IL1RL2: variants seen among roughly 807,000 people sequenced by gnomAD.
IL1RL2 encodes interleukin-1 receptor-like 2.
A neutral mutation model predicts 66.8 loss-of-function variants in IL1RL2; 68 were observed. The observed-to-expected ratio is 1.02, with a 90% confidence interval of 0.84 to 1.25. IL1RL2 has a LOEUF of 1.25. Among genes scored for constraint, IL1RL2 ranks in the 50% most tolerant of loss-of-function variants. IL1RL2 has a pLI of 0.00. For synonymous variants in IL1RL2, 305 were observed against 264.6 expected (o/e 1.15, Z -1.48); for missense variants, 729 against 709.3 (o/e 1.03, Z -0.32).
In IL1RL2 at chr2:102,201,802, A is replaced by G. The variant is rs1578119184; in HGVS notation, c.649+87A>G. On this transcript the variant is annotated intron_variant, in intron 5 of 11. Coordinates refer to ENST00000264257, the MANE Select transcript of IL1RL2 (RefSeq NM_003854.4). Reference sequence around the variant, plus strand: ...TGGCTTTGGGTTTTGGGCTTTGAGCAGGAGTGATTCTAGGTCTTGGTTTCC... The same window carrying G: ...TGGCTTTGGGTTTTGGGCTTTGAGCGGGAGTGATTCTAGGTCTTGGTTTCC... 3 of 1,308,748 alleles carry G rather than the reference A, an allele frequency of 2.3e-6. No homozygotes were observed. The East Asian group carries it at 7.5e-5, about 33-fold the overall frequency. 81.1% of individuals were successfully genotyped at this position (1,308,748 alleles called of 1,614,324 possible). A position where few individuals can be genotyped will look rare whatever the true frequency, so the allele number is the denominator to read the frequency against.
intron 5 of IL1RL2, among the ~76,000 whole-genome samples, chr2:102,204,063 T>C (rs988747877): frequency 6.6e-6 from 1 of 152,124 alleles, no homozygotes; most frequent in African/African-American, 2.4e-5. Flanking sequence ...CTGTATCCCA[T>C]ATGTTTTAGT....
In IL1RL2 at chr2:102,233,074, A is replaced by G; in HGVS notation, c.1247A>G (p.Gln416Arg). 1 of 1,614,050 alleles carries G rather than the reference A, an allele frequency of 6.2e-7. No individual in the cohort carries two copies. Among genetic ancestry groups the G allele is most frequent in the Non-Finnish European group, 8.5e-7 (1 of 1,179,962 alleles). Residue 416 changes from glutamine to arginine, a missense_variant, in exon 10 of 12, where the codon CAA becomes CGA. Physicochemically the swap from Gln to Arg is conservative, Grantham distance 43 (BLOSUM62 1). Coordinates refer to ENST00000264257, the MANE Select transcript of IL1RL2 (RefSeq NM_003854.4). The stretch of plus-strand genomic sequence containing the variant: ...ATCCTGCCCGAGGTGTTGGAGAGAC[A>G]ATGTGGATATAAGTTGTTTATATTC... ...LNILPEVLER[Q>R]CGYKLFIFGR...
chr2:102,192,107 TA>T lies in IL1RL2; in HGVS notation c.479del (p.Lys160SerfsTer23). On this transcript the variant is annotated frameshift_variant, in exon 4 of 12. Coordinates refer to ENST00000264257, the MANE Select transcript of IL1RL2 (RefSeq NM_003854.4). LOFTEE classifies it high-confidence loss of function. ...HFPKSCVLGPIKWYKDCNEIK... is the reference protein window; with the variant it reads ...HFPKSCVLGPXKWYKDCNEIK... The stretch of plus-strand genomic sequence containing the variant: ...CCGAAGAGTTGTGTTTTGGGTCCAA[TA>T]AAGTGGTATAAGGTAAAAAAGAATT... The T allele has an allele frequency of 6.3e-7, 1 of 1,587,016 alleles. No individual in the cohort carries two copies. Among genetic ancestry groups the T allele is most frequent in the Non-Finnish European group, 8.5e-7 (1 of 1,171,204 alleles).
chr2:102,212,287 A>G (rs1015331700), intron 6 of IL1RL2, 113 bp downstream of exon 6: 1 of 736,048 alleles, frequency 1.4e-6, no homozygotes, highest in Non-Finnish European at 2.3e-6. Context: ...ATACACACCC[A>G]GTTTCCAGCT....
rs557981628 is a variant in IL1RL2 at position 102,217,670 on chromosome 2, A to G, written c.725-1283A>G. Among the ~76,000 whole-genome samples, 6 of 152,328 alleles carry G rather than the reference A, an allele frequency of 3.9e-5. No homozygotes were observed. The South Asian group carries it at 1.2e-3, about 32-fold the overall frequency. ...GATATTTGACAAAAGTGCCAGGAACACACATTAAACAAGTAACAGTCTCTT... is the reference window on the plus strand; with the variant it reads ...GATATTTGACAAAAGTGCCAGGAACGCACATTAAACAAGTAACAGTCTCTT... On this transcript the variant is annotated intron_variant, in intron 6 of 11. Coordinates refer to ENST00000264257, the MANE Select transcript of IL1RL2 (RefSeq NM_003854.4).
chr2:102,202,407 A>G (rs1263949241), intron 5 of IL1RL2, among the ~76,000 whole-genome samples: 2 of 151,370 alleles, frequency 1.3e-5, no homozygotes, highest in Non-Finnish European at 2.9e-5. Flanking sequence ...AATAATGGGT[A>G]TATGATATAT....
At chr2:102,218,369 C>T (rs1689797275) in intron 6 of IL1RL2, among the ~76,000 whole-genome samples, 1 of 151,842 alleles carries the variant, frequency 6.6e-6, no homozygotes, top group South Asian at 2.1e-4. Flanking sequence ...TCCACTGAGA[C>T]TATAAATTGA....
intron 10 of IL1RL2, among the ~76,000 whole-genome samples, chr2:102,233,561 G>A (rs1026686785): frequency 5.3e-5 from 8 of 152,050 alleles, no homozygotes; most frequent in Non-Finnish European, 1.0e-4. Flanking sequence ...TATAAACCTC[G>A]ACCCTACTTG....
chr2:102,227,056 C>T (rs1013608013), intron 9 of IL1RL2, among the ~76,000 whole-genome samples: 1 of 152,224 alleles, frequency 6.6e-6, no homozygotes, highest in African/African-American at 2.4e-5. Flanking sequence ...CATTTCCCAC[C>T]ATGGTGCTTG....
chr2:102,202,245 T>C (rs1025547827), intron 5 of IL1RL2, among the ~76,000 whole-genome samples: 2 of 152,114 alleles, frequency 1.3e-5, no homozygotes, highest in African/African-American at 2.4e-5. Context: ...AGTAGAATCT[T>C]AGGGGAAGAA....
At chr2:102,198,233 T>C (rs1021734380) in intron 4 of IL1RL2, among the ~76,000 whole-genome samples, 5 of 152,160 alleles carry the variant, frequency 3.3e-5, no homozygotes, top group African/African-American at 1.2e-4. Context: ...AGTCAGAAAG[T>C]AATAAATTTA....
intron 6 of IL1RL2, among the ~76,000 whole-genome samples, chr2:102,213,838 G>C (rs897806232): frequency 6.6e-6 from 1 of 152,146 alleles, no homozygotes; most frequent in Non-Finnish European, 1.5e-5. Flanking sequence ...ATCTGTCCCA[G>C]AGTTGGTTAA....
chr2:102,195,409 G>A (rs937202025), intron 4 of IL1RL2, among the ~76,000 whole-genome samples: 5 of 151,720 alleles, frequency 3.3e-5, no homozygotes, highest in Non-Finnish European at 7.4e-5. Flanking sequence ...TGTAGTGTTG[G>A]TAGGGTCAAA....
At chr2:102,199,108 G>C (rs1364000339) in intron 4 of IL1RL2, among the ~76,000 whole-genome samples, 1 of 152,112 alleles carries the variant, frequency 6.6e-6, no homozygotes, top group Non-Finnish European at 1.5e-5. Context: ...CTGTGGACTG[G>C]AACTGCTTAA....
chr2:102,213,285 A>T (rs1578147688), intron 6 of IL1RL2, among the ~76,000 whole-genome samples: 1 of 152,310 alleles, frequency 6.6e-6, no homozygotes, highest in East Asian at 1.9e-4. Context: ...TCTCAGAAAC[A>T]TCTATGAAAA....
At chr2:102,215,201 G>T (rs754133022) in intron 6 of IL1RL2, among the ~76,000 whole-genome samples, 2 of 152,146 alleles carry the variant, frequency 1.3e-5, no homozygotes, top group Non-Finnish European at 2.9e-5. Flanking sequence ...TGGCTATATT[G>T]CTCCAGTGCA....
At chr2:102,219,429 C>A (rs1426776381) in intron 7 of IL1RL2, among the ~76,000 whole-genome samples, 1 of 152,154 alleles carries the variant, frequency 6.6e-6, no homozygotes, top group Non-Finnish European at 1.5e-5. Flanking sequence ...TAGTATAGTT[C>A]TTTGCTATAC....
At chr2:102,221,115 G>A (rs1324402993) in intron 8 of IL1RL2, among the ~76,000 whole-genome samples, 1 of 152,146 alleles carries the variant, frequency 6.6e-6, no homozygotes, top group Non-Finnish European at 1.5e-5. Flanking sequence ...ACATGTGGAA[G>A]GACCCTTGGG....
chr2:102,223,577 T>A (rs1690335107), intron 8 of IL1RL2, among the ~76,000 whole-genome samples: 1 of 152,190 alleles, frequency 6.6e-6, no homozygotes, highest in South Asian at 2.1e-4. Context: ...CTGTTTCCAA[T>A]TTCATTCTCT....
Sources: allele counts gnomAD v4.1 joint callset (sites outside exome capture counted in the v4.1 genomes callset), GRCh38; gene constraint gnomAD v4.1.1; transcripts MANE v1.5; gene names NCBI Gene and HGNC (gene_info 2026-07-23, HGNC 2026-07-21).